Variants in CNTNAP5 observed in about 807,000 individuals in gnomAD.
CNTNAP5 encodes the protein contactin associated protein family member 5, also known as contactin-associated protein-like 5.
Under a neutral mutation model 150.2 loss-of-function variants are expected in CNTNAP5, and 72 were observed. The ratio of observed to expected loss-of-function variants is 0.48; its 90% confidence interval spans 0.40 to 0.58. The LOEUF is 0.58. CNTNAP5 is among the 20% of genes least tolerant of loss of function. The probability of loss-of-function intolerance (pLI) is 0.00; values close to 1 mark genes in which losing one functional copy is unlikely to be tolerated. For synonymous variants in CNTNAP5, 672 were observed against 619.8 expected (o/e 1.08, Z -1.25); for missense variants, 1,636 against 1,626.2 (o/e 1.01, Z -0.10).
intron 1 of CNTNAP5, among the ~76,000 whole-genome samples, chr2:124,202,489 G>T (rs1374042736): frequency 2.6e-5 from 4 of 152,138 alleles, no homozygotes; most frequent in African/African-American, 4.8e-5. Flanking sequence ...AACCAGTCAG[G>T]TTAGGTTGGA....
intron 18 of CNTNAP5, 49 bp downstream of exon 18, chr2:124,790,190 T>C (rs2104632708): frequency 2.6e-6 from 4 of 1,532,476 alleles, no homozygotes; most frequent in Non-Finnish European, 3.5e-6. Context: ...GTATCACCTA[T>C]ACGCTATGGT....
intron 6 of CNTNAP5, among the ~76,000 whole-genome samples, chr2:124,457,585 T>A (rs1009812385): frequency 5.9e-5 from 9 of 152,182 alleles, no homozygotes; most frequent in Non-Finnish European, 1.3e-4. Context: ...ATGTATAGGA[T>A]GTGCAGATTT....
intron 19 of CNTNAP5, among the ~76,000 whole-genome samples, chr2:124,822,217 G>A (rs559915506): frequency 6.6e-6 from 1 of 152,250 alleles, no homozygotes; most frequent in Non-Finnish European, 1.5e-5. Context: ...CCTTACTCCA[G>A]GTGTAGCTTA....
intron 1 of CNTNAP5, among the ~76,000 whole-genome samples, chr2:124,182,588 T>G (rs1305770667): frequency 6.6e-6 from 1 of 152,184 alleles, no homozygotes; most frequent in Non-Finnish European, 1.5e-5. Context: ...TCTTTTAGTC[T>G]CATCCTTCCT....
At chr2:124,194,448 A>G (rs908264833) in intron 1 of CNTNAP5, among the ~76,000 whole-genome samples, 11 of 145,154 alleles carry the variant, frequency 7.6e-5, no homozygotes, top group Non-Finnish European at 1.3e-4. Flanking sequence ...AGGTAATGCA[A>G]TGAGGCCTGT....
At chr2:124,860,465 TTCCTTCCTTC>T (rs1677495438) in intron 19 of CNTNAP5, among the ~76,000 whole-genome samples, 1 of 70,620 alleles carries the variant, frequency 1.4e-5, no homozygotes, top group Non-Finnish European at 2.8e-5. Flanking sequence ...CCTTCCTTCC[TTCCTTCCTTC>T]CTTCCTTCCT....
At chr2:124,706,880 A>AAGAAGAGGAAGAGGAAGGAGAAGG (rs1558743183) in intron 13 of CNTNAP5, among the ~76,000 whole-genome samples, 24 of 46,048 alleles carry the variant, frequency 5.2e-4, no homozygotes, top group Admixed American at 1.5e-3. Context: ...GAAAGGGAAG[A>AAGAAGAGGAAGAGGAAGGAGAAGG]AGAAGAGGAA....
At chr2:124,050,722 C>A (rs1681463639) in intron 1 of CNTNAP5, among the ~76,000 whole-genome samples, 1 of 152,090 alleles carries the variant, frequency 6.6e-6, no homozygotes, top group African/African-American at 2.4e-5. Context: ...CCTCTAGGAT[C>A]CCAGAATATA....
intron 8 of CNTNAP5, among the ~76,000 whole-genome samples, chr2:124,515,709 G>A (rs1486446001): frequency 6.6e-5 from 10 of 152,274 alleles, no homozygotes; most frequent in Middle Eastern, 3.4e-3. Flanking sequence ...TAAGGGTAGC[G>A]TATAGGTGGA....
intron 19 of CNTNAP5, among the ~76,000 whole-genome samples, chr2:124,843,188 A>T (rs1177820820): frequency 2.0e-5 from 3 of 152,122 alleles, no homozygotes; most frequent in African/African-American, 7.2e-5. Flanking sequence ...TTCACTTATA[A>T]TAATAGTTTC....
intron 1 of CNTNAP5, among the ~76,000 whole-genome samples, chr2:124,128,352 C>G (rs1395975052): frequency 6.6e-6 from 1 of 152,146 alleles, no homozygotes; most frequent in Non-Finnish European, 1.5e-5. Context: ...CAAATCAAAA[C>G]CACAATGAGA....
chr2:124,625,894 T>G (rs1343059327), intron 12 of CNTNAP5, among the ~76,000 whole-genome samples: 1 of 152,202 alleles, frequency 6.6e-6, no homozygotes, highest in Non-Finnish European at 1.5e-5. Context: ...TTCGTACAAC[T>G]ATCCTGTAGC....
At chr2:124,627,494 A>T (rs1192359287) in intron 12 of CNTNAP5, among the ~76,000 whole-genome samples, 5 of 147,584 alleles carry the variant, frequency 3.4e-5, no homozygotes, top group African/African-American at 9.8e-5. Context: ...CTGTTAGAAG[A>T]AAAACAAACA....
Position 124,918,115 on chromosome 2 carries a change from G to A in CNTNAP5, c.*3827G>A, listed in dbSNP as rs970215728. ...GCTGAATTCTCTACATTCTTGTTTC[G>A]GGTCAGGTTGGGGGATTCCAAAAGT... On this transcript the variant is annotated 3_prime_UTR_variant, in exon 24 of 24. Transcript: ENST00000682447. Among the ~76,000 whole-genome samples, 3 of 151,922 alleles carry A rather than the reference G, an allele frequency of 2.0e-5. No individual in the cohort carries two copies. Among genetic ancestry groups the A allele is most frequent in the Non-Finnish European group, 2.9e-5 (2 of 67,978 alleles).
intron 10 of CNTNAP5, among the ~76,000 whole-genome samples, chr2:124,546,798 C>T (rs1470787966): frequency 6.6e-6 from 1 of 152,102 alleles, no homozygotes; most frequent in African/African-American, 2.4e-5. Context: ...AAATTTTCAG[C>T]CTGCATTTTT....
intron 21 of CNTNAP5, among the ~76,000 whole-genome samples, chr2:124,872,545 C>A (rs1189590202): frequency 6.6e-6 from 1 of 151,486 alleles, no homozygotes; most frequent in Non-Finnish European, 1.5e-5. Context: ...GGAGGTACTA[C>A]CAATTTAGGA....
intron 11 of CNTNAP5, among the ~76,000 whole-genome samples, chr2:124,584,645 G>T (rs1052288181): frequency 6.6e-6 from 1 of 152,140 alleles, no homozygotes; most frequent in African/African-American, 2.4e-5. Flanking sequence ...GTATGCAAAT[G>T]CAAAAATGTT....
chr2:124,050,008 G>A (rs1681648158), intron 1 of CNTNAP5, among the ~76,000 whole-genome samples: 2 of 151,964 alleles, frequency 1.3e-5, no homozygotes, highest in South Asian at 4.1e-4. Context: ...ACCTCTCATA[G>A]TTTCTACTTC....
intron 10 of CNTNAP5, among the ~76,000 whole-genome samples, chr2:124,550,522 G>A (rs1050309788): frequency 3.9e-5 from 6 of 152,264 alleles, no homozygotes; most frequent in African/African-American, 9.6e-5. Context: ...CTGTCTGTGC[G>A]TTTCCTGATA....
Sources: gnomAD v4.1 joint callset for allele counts (sites outside exome capture counted in the v4.1 genomes callset) on GRCh38, gnomAD v4.1.1 for gene constraint, MANE v1.5 for transcripts, NCBI Gene and HGNC (gene_info 2026-07-23, HGNC 2026-07-21) for gene names.